The following SPIDR variants were observed in gnomAD, a reference collection of about 807,000 sequenced individuals.
The protein encoded by SPIDR is scaffold protein involved in DNA repair, also known as DNA repair-scaffolding protein.
A neutral mutation model predicts 104.6 loss-of-function variants in SPIDR; 93 were observed. The observed-to-expected ratio is 0.89, with a 90% CI of 0.75 to 1.06. SPIDR has a LOEUF of 1.06. SPIDR is among the 50% of genes least tolerant of loss of function. The pLI is 0.00. For missense variants in SPIDR, 1,154 were observed against 1,111.2 expected, an observed-to-expected ratio of 1.04 and a Z score of -0.55; for synonymous variants, 431 against 416.9, an observed-to-expected ratio of 1.03 and a Z score of -0.41.
At chr8:47,326,937 T>G (rs1180551708) in intron 5 of SPIDR, among the ~76,000 whole-genome samples, 1 of 152,228 alleles carries the variant, frequency 6.6e-6, no homozygotes, top group African/African-American at 2.4e-5. Flanking sequence ...AGTACCTGTT[T>G]TCAGTTCTCT....
intron 16 of SPIDR, among the ~76,000 whole-genome samples, chr8:47,718,947 AAT>A (rs1023787132): frequency 3.2e-4 from 48 of 152,042 alleles, no homozygotes; most frequent in African/African-American, 9.9e-4. Context: ...GCTCCTTCTA[AAT>A]AGAGAAAAGT....
intron 10 of SPIDR, among the ~76,000 whole-genome samples, chr8:47,630,367 G>C (rs2066869891): frequency 6.6e-6 from 1 of 152,168 alleles, no homozygotes; most frequent in Non-Finnish European, 1.5e-5. Context: ...GTCATCAAAA[G>C]CTCAAAATTC....
chr8:47,565,971 CAT>C (rs1170408396), intron 8 of SPIDR, among the ~76,000 whole-genome samples: 2,922 of 41,406 alleles, frequency 0.071, 297 homozygotes, highest in East Asian at 0.2. Context: ...TATTTATACT[CAT>C]ATATATATAT....
At chr8:47,390,534 G>C (rs1472648578) in intron 5 of SPIDR, among the ~76,000 whole-genome samples, 1 of 150,502 alleles carries the variant, frequency 6.6e-6, no homozygotes, top group Non-Finnish European at 1.5e-5. Context: ...GGAGAGAGTT[G>C]CCTCTAAGGA....
At chr8:47,602,811 T>G (rs2062453888) in intron 10 of SPIDR, among the ~76,000 whole-genome samples, 1 of 152,226 alleles carries the variant, frequency 6.6e-6, no homozygotes, top group African/African-American at 2.4e-5. Context: ...CTCAAAAGAT[T>G]CATGTCCTCT....
chr8:47,429,061 C>A (rs1331916200), intron 7 of SPIDR, among the ~76,000 whole-genome samples: 1 of 152,158 alleles, frequency 6.6e-6, no homozygotes, highest in Non-Finnish European at 1.5e-5. Context: ...CTATTCAAGT[C>A]AGGAAACAAA....
At chr8:47,350,101 G>A (rs558259560) in intron 5 of SPIDR, among the ~76,000 whole-genome samples, 1 of 152,266 alleles carries the variant, frequency 6.6e-6, no homozygotes, top group African/African-American at 2.4e-5. Flanking sequence ...AGCCATCTTG[G>A]AATGATCGGG....
intron 5 of SPIDR, among the ~76,000 whole-genome samples, chr8:47,386,890 GAAAGAGAGAGAGAGATATAGATAT>G (rs1258218321): frequency 1.7e-3 from 106 of 61,666 alleles, no homozygotes; most frequent in African/African-American, 5.6e-3. Context: ...GAGAGAGAGA[GAAAGAGAGAGAGAGATATAGATAT>G]AGATATAGAT....
intron 8 of SPIDR, among the ~76,000 whole-genome samples, chr8:47,535,949 C>T (rs2086831492): frequency 6.6e-6 from 1 of 151,978 alleles, no homozygotes; most frequent in African/African-American, 2.4e-5. Flanking sequence ...ATTCCTGAAC[C>T]TAGGATGTGA....
At chr8:47,522,160 G>A (rs953071583) in intron 8 of SPIDR, among the ~76,000 whole-genome samples, 2 of 147,082 alleles carry the variant, frequency 1.4e-5, no homozygotes, top group South Asian at 2.1e-4. Flanking sequence ...CGACAAGAGC[G>A]AGAGTCTGTC....
intron 5 of SPIDR, among the ~76,000 whole-genome samples, chr8:47,302,580 G>A (rs1192348747): frequency 2.6e-4 from 40 of 152,212 alleles, no homozygotes; most frequent in Non-Finnish European, 1.2e-4. Context: ...GTAGTTTTAT[G>A]TACCTTTGGT....
intron 14 of SPIDR, 73 bp downstream of exon 14, chr8:47,702,088 CTCTCTCTCTT>C (rs1370774004): frequency 0.015 from 1,903 of 125,884 alleles, 195 homozygotes; most frequent in East Asian, 0.051. Flanking sequence ...CTCTCTCTCT[CTCTCTCTCTT>C]ACACACACAC....
At chr8:47,270,907 T>G (rs1206225528) in intron 1 of SPIDR, among the ~76,000 whole-genome samples, 1 of 152,204 alleles carries the variant, frequency 6.6e-6, no homozygotes, top group Non-Finnish European at 1.5e-5. Context: ...ATTCTATTAT[T>G]GTCTAAGAAC....
chr8:47,319,649 T>A (rs1271814027), intron 5 of SPIDR, among the ~76,000 whole-genome samples: 2 of 152,188 alleles, frequency 1.3e-5, no homozygotes, highest in Admixed American at 1.3e-4. Flanking sequence ...TACATTCTTC[T>A]CAGCACCACA....
At chr8:47,497,060 C>T (rs545777241) in intron 8 of SPIDR, among the ~76,000 whole-genome samples, 172 of 152,102 alleles carry the variant, frequency 1.1e-3, no homozygotes, top group Admixed American at 1.9e-3. Flanking sequence ...AGTGCTTCCT[C>T]TCTTTCGATT....
chr8:47,455,820 T>C (rs2072854865), intron 8 of SPIDR, among the ~76,000 whole-genome samples: 1 of 152,110 alleles, frequency 6.6e-6, no homozygotes, highest in South Asian at 2.1e-4. Context: ...TAATTTTAAA[T>C]ATATACACAC....
chr8:47,512,606 C>G (rs1444992310), intron 8 of SPIDR, among the ~76,000 whole-genome samples: 1 of 152,164 alleles, frequency 6.6e-6, no homozygotes, highest in Non-Finnish European at 1.5e-5. Context: ...ACAGCCCTGA[C>G]CACGGAGAGG....
At chr8:47,514,773 A>G (rs546850029) in intron 8 of SPIDR, among the ~76,000 whole-genome samples, 2 of 152,342 alleles carry the variant, frequency 1.3e-5, no homozygotes, top group Non-Finnish European at 2.9e-5. Flanking sequence ...TAAACAATAT[A>G]CTACAAGTTA....
At chr8:47,626,715 AATC>A (rs2066188701) in intron 10 of SPIDR, among the ~76,000 whole-genome samples, 1 of 152,186 alleles carries the variant, frequency 6.6e-6, no homozygotes, top group Admixed American at 6.5e-5. Flanking sequence ...TTAGAATGGC[AATC>A]ATTAAAAAGT....
Sources: gnomAD v4.1 joint callset for allele counts (sites outside exome capture counted in the v4.1 genomes callset) on GRCh38, gnomAD v4.1.1 for gene constraint, MANE v1.5 for transcripts, NCBI Gene and HGNC (gene_info 2026-07-23, HGNC 2026-07-21) for gene names.